Variants in ADARB2 observed in about 807,000 individuals in gnomAD.
ADARB2 encodes the protein inactive double-stranded RNA-specific editase B2.
A neutral mutation model predicts 62.2 loss-of-function variants in ADARB2; 25 were observed. That is an observed-to-expected ratio of 0.40 (90% CI 0.29 to 0.56). The LOEUF (loss-of-function observed/expected upper bound fraction) is 0.56, where lower values mean the gene tolerates loss of function less well. Among genes scored for constraint, ADARB2 ranks in the 20% least tolerant of loss-of-function variants. ADARB2 has a pLI of 0.43. For synonymous variants in ADARB2, 572 were observed against 500.8 expected (o/e 1.14, Z -1.90); for missense variants, 1,071 against 1,077.4 (o/e 0.99, Z 0.08).
At chr10:1,200,224 C>T in intron 7 of ADARB2, 77 bp from the exon 8 acceptor site, 1 of 1,540,218 alleles carries the variant, frequency 6.5e-7, no homozygotes, top group Non-Finnish European at 8.8e-7. Context: ...CGTCTGCGGC[C>T]TGGTCCTGAG....
intron 3 of ADARB2, among the ~76,000 whole-genome samples, chr10:1,275,718 C>T (rs1831310091): frequency 7.1e-6 from 1 of 140,084 alleles, no homozygotes; most frequent in South Asian, 2.3e-4. Context: ...CATGTGTTCT[C>T]ATTGTTCAGT....
At chr10:1,250,568 T>C (rs1271024458) in intron 4 of ADARB2, among the ~76,000 whole-genome samples, 1 of 152,120 alleles carries the variant, frequency 6.6e-6, no homozygotes, top group Non-Finnish European at 1.5e-5. Flanking sequence ...AAGTGTCTGC[T>C]TCCCCCTTGA....
At chr10:1,379,229 T>A in intron 1 of ADARB2, 69 bp from the exon 2 acceptor site, 1 of 1,279,222 alleles carries the variant, frequency 7.8e-7, no homozygotes, top group East Asian at 2.3e-5. Flanking sequence ...CTTTTATAAG[T>A]TCTTATTACT....
At chr10:1,232,436 T>C (rs187840085) in intron 6 of ADARB2, among the ~76,000 whole-genome samples, 2 of 149,940 alleles carry the variant, frequency 1.3e-5, no homozygotes, top group Non-Finnish European at 1.5e-5. Context: ...TGGTGTGTGT[T>C]TGCAGTGTAT....
rs1364412712 is a variant in ADARB2 at position 1,482,580 on chromosome 10, T to C, written c.101-103420A>G. Among the ~76,000 whole-genome samples the C allele has an allele frequency of 2.0e-5, 3 of 152,350 alleles. No homozygotes were observed. In the East Asian group the frequency reaches 5.8e-4, roughly 29 times the overall value. On this transcript the variant is annotated intron_variant, in intron 1 of 9. Transcript: ENST00000381312. ...TTCAGTTTGGAAGATGAAATGGTTC[T>C]ATGGGTGGATGGTGAGGTGTTGGCA...
intron 1 of ADARB2, among the ~76,000 whole-genome samples, chr10:1,649,697 G>T (rs79818760): frequency 0.013 from 1,996 of 152,356 alleles, 12 homozygotes; most frequent in Middle Eastern, 0.031. Context: ...GCCAGCCAGG[G>T]TGTATCTCAG....
At chr10:1,197,760 G>A (rs926327193) in intron 8 of ADARB2, among the ~76,000 whole-genome samples, 1 of 152,168 alleles carries the variant, frequency 6.6e-6, no homozygotes, top group African/African-American at 2.4e-5. Context: ...TGTTTAACAT[G>A]CTGTTAACAC....
chr10:1,723,252 C>T (rs1045535876), intron 1 of ADARB2, among the ~76,000 whole-genome samples: 4 of 152,176 alleles, frequency 2.6e-5, no homozygotes, highest in African/African-American at 4.8e-5. Context: ...TTCTAAGTGG[C>T]GATTCGCTCT....
At chr10:1,247,549 G>A (rs1045569057) in intron 4 of ADARB2, among the ~76,000 whole-genome samples, 1 of 152,164 alleles carries the variant, frequency 6.6e-6, no homozygotes, top group African/African-American at 2.4e-5. Flanking sequence ...TTTAATTTGG[G>A]GGAAAGGAGA....
At chr10:1,567,922 C>T (rs893213264) in intron 1 of ADARB2, among the ~76,000 whole-genome samples, 1 of 152,200 alleles carries the variant, frequency 6.6e-6, no homozygotes, top group Non-Finnish European at 1.5e-5. Context: ...CCTTTGCCTC[C>T]TGCCTGCGGG....
chr10:1,611,350 C>T (rs955160792), intron 1 of ADARB2, among the ~76,000 whole-genome samples: 5 of 152,232 alleles, frequency 3.3e-5, no homozygotes, highest in Admixed American at 2.6e-4. Context: ...ACTCTCAGAA[C>T]AAATAATTTA....
intron 1 of ADARB2, among the ~76,000 whole-genome samples, chr10:1,580,075 G>A (rs1216522115): frequency 2.6e-5 from 4 of 152,200 alleles, no homozygotes; most frequent in Non-Finnish European, 5.9e-5. Flanking sequence ...CAGTGCCCCC[G>A]AATTGTCTAT....
At chr10:1,504,944 A>G (rs994858543) in intron 1 of ADARB2, among the ~76,000 whole-genome samples, 4 of 151,536 alleles carry the variant, frequency 2.6e-5, no homozygotes, top group South Asian at 2.1e-4. Flanking sequence ...ACGTACATAT[A>G]CACAGAGACA....
intron 1 of ADARB2, among the ~76,000 whole-genome samples, chr10:1,648,136 T>C (rs1304405552): frequency 6.6e-6 from 1 of 152,214 alleles, no homozygotes; most frequent in Non-Finnish European, 1.5e-5. Context: ...AAGCTTCTGT[T>C]TTCTTTTTTC....
At chr10:1,281,802 C>T (rs548657865) in intron 3 of ADARB2, among the ~76,000 whole-genome samples, 1 of 152,312 alleles carries the variant, frequency 6.6e-6, no homozygotes, top group Non-Finnish European at 1.5e-5. Flanking sequence ...ATCTCCTCCT[C>T]TATAATCCTT....
intron 1 of ADARB2, among the ~76,000 whole-genome samples, chr10:1,533,565 G>A (rs544328686): frequency 4.6e-4 from 70 of 152,286 alleles, no homozygotes; most frequent in African/African-American, 1.5e-3. Context: ...GCCATGCCAC[G>A]TCCTGACTCT....
chr10:1,476,451 C>T (rs1451239410), intron 1 of ADARB2, among the ~76,000 whole-genome samples: 2 of 152,188 alleles, frequency 1.3e-5, no homozygotes, highest in African/African-American at 2.4e-5. Flanking sequence ...TCGTAAAAGT[C>T]CAGTTCTTGG....
chr10:1,231,452 G>T (rs373262172), intron 6 of ADARB2, among the ~76,000 whole-genome samples: 3 of 152,142 alleles, frequency 2.0e-5, no homozygotes, highest in African/African-American at 7.2e-5. Flanking sequence ...GCCACTCCTG[G>T]TGGTTTTTCT....
intron 3 of ADARB2, among the ~76,000 whole-genome samples, chr10:1,343,568 C>T (rs1044730728): frequency 6.6e-6 from 1 of 152,214 alleles, no homozygotes; most frequent in Non-Finnish European, 1.5e-5. Context: ...GACACACAGG[C>T]ACGCGCATGT....
Sources: allele counts gnomAD v4.1 joint callset (sites outside exome capture counted in the v4.1 genomes callset), GRCh38; gene constraint gnomAD v4.1.1; transcripts MANE v1.5; gene names NCBI Gene and HGNC (gene_info 2026-07-23, HGNC 2026-07-21).